TMED7: variants seen among roughly 807,000 people sequenced by gnomAD.
TMED7 encodes the protein transmembrane p24 trafficking protein 7.
In TMED7, 8 loss-of-function variants were observed where a neutral mutation model predicts 23.4. That is an observed-to-expected ratio of 0.34 (90% CI 0.20 to 0.62). The LOEUF is 0.62. Among genes scored for constraint, TMED7 ranks in the 20% least tolerant of loss-of-function variants. The pLI is 0.77. For synonymous variants in TMED7, 121 were observed against 108.5 expected (o/e 1.12, Z -0.72); for missense variants, 232 against 279.1 (o/e 0.83, Z 1.20).
At position 115,616,433 on chromosome 5, in the gene TMED7, A is replaced by T. The variant is rs960731200; in HGVS notation, c.451T>A (p.Cys151Ser). Reference sequence around the variant, plus strand: ...TTCAGAGCTTCGTGAATTGAAACACAGGCAGATTCCATCTGCAGAGAAATA... The same window carrying T: ...TTCAGAGCTTCGTGAATTGAAACACTGGCAGATTCCATCTGCAGAGAAATA... ...VSALTQMESA[C>S]VSIHEALKSV... The change falls in exon 3 of 3, where the codon TGT (cysteine) becomes AGT (serine). Residue 151 changes from cysteine to serine, a missense_variant. Physicochemically the swap from Cys to Ser is moderately radical, Grantham distance 112. Coordinates refer to ENST00000456936, the MANE Select transcript of TMED7 (RefSeq NM_181836.6). The T allele has an allele frequency of 6.2e-7, 1 of 1,614,206 alleles. No individual in the cohort carries two copies. The highest frequency in any genetic ancestry group is 8.5e-7 in the Non-Finnish European group (1 of 1,180,002).
At position 115,625,756 on chromosome 5, in the gene TMED7, C is replaced by A. The variant is rs1052256383; in HGVS notation, c.37G>T (p.Val13Phe). 6 of 1,536,876 alleles carry A rather than the reference C, an allele frequency of 3.9e-6. No homozygotes were observed. The highest frequency in any genetic ancestry group is 5.2e-6 in the Non-Finnish European group (6 of 1,143,928). ...RPGSAQRWAA[V>F]AGRWGCRLLA... is the part of the protein sequence containing the mutation. The stretch of plus-strand genomic sequence containing the variant: ...AGCCTGCACCCCCAACGGCCCGCGA[C>A]GGCCGCCCAGCGCTGCGCGGACCCC... The change falls in exon 1 of 3, where the codon GTC becomes TTC. Residue 13 changes from valine (V) to phenylalanine (F), a missense_variant. By Grantham distance (50) the Val-to-Phe change is conservative. Transcript: ENST00000456936.
At position 115,615,140 on chromosome 5, in the gene TMED7, G is replaced by A. The variant is rs1271145830; in HGVS notation, c.*1069C>T. 1 of 152,028 alleles carries A rather than the reference G, an allele frequency of 6.6e-6. No homozygotes were observed. Among genetic ancestry groups the A allele is most frequent in the Non-Finnish European group, 1.5e-5 (1 of 67,894 alleles). 9.4% of individuals were successfully genotyped at this position (152,028 alleles called of 1,614,324 possible). A position where few individuals can be genotyped will look rare whatever the true frequency, so the allele number is the denominator to read the frequency against. On this transcript the variant is annotated 3_prime_UTR_variant, in exon 3 of 3. Transcript: ENST00000456936. ...AAAGTCAATGAAGATTACCAAATAGGAAACACAAAGCATTCTAAATTTTTA... is the reference window on the plus strand; with the variant it reads ...AAAGTCAATGAAGATTACCAAATAGAAAACACAAAGCATTCTAAATTTTTA...
chr5:115,616,157 T>C lies in TMED7; in HGVS notation c.*52A>G. On this transcript the variant is annotated 3_prime_UTR_variant, in exon 3 of 3. Transcript: ENST00000456936. The stretch of plus-strand genomic sequence containing the variant: ...AAGTTCTTCAGTACCTAAAATTAAT[T>C]AGAGGACAGCAATATTACAGTGGCA... 4 of 1,543,920 alleles carry C rather than the reference T, an allele frequency of 2.6e-6. No homozygotes were observed. The highest frequency in any genetic ancestry group is 3.6e-6 in the Non-Finnish European group (4 of 1,120,480).
intron 1 of TMED7, among the ~76,000 whole-genome samples, chr5:115,625,273 G>C (rs1354301392): frequency 6.6e-6 from 1 of 152,236 alleles, no homozygotes; most frequent in South Asian, 2.1e-4. Context: ...TTAGAGAGTA[G>C]AGGGTTGACA....
chr5:115,621,934 T>C (rs1479384373), intron 1 of TMED7, among the ~76,000 whole-genome samples: 1 of 152,224 alleles, frequency 6.6e-6, no homozygotes, highest in Admixed American at 6.5e-5. Context: ...TGAGAGAAGA[T>C]GACTAATGAA....
rs767710452 is a variant in TMED7, at chr5:115,625,757, G to A, written c.36C>T (p.Ala12=). 6.5e-7 allele frequency: 1 copy of A among 1,535,976 alleles called. No homozygotes were observed. Among genetic ancestry groups the A allele is most frequent in the South Asian group, 1.2e-5 (1 of 82,470 alleles). Residue 12 remains alanine, a synonymous_variant, in exon 1 of 3, where the codon GCC becomes GCT. Transcript: ENST00000456936. ...GCCTGCACCCCCAACGGCCCGCGAC[G>A]GCCGCCCAGCGCTGCGCGGACCCCG... ...PRPGSAQRWA[A]VAGRWGCRLL...
chr5:115,620,588 A>G lies in TMED7; in HGVS notation c.285T>C (p.Ser95=). The G allele has an allele frequency of 6.2e-7, 1 of 1,605,238 alleles. No individual in the cohort carries two copies. Among genetic ancestry groups the G allele is most frequent in the Non-Finnish European group, 8.5e-7 (1 of 1,176,712 alleles). Residue 95 remains serine (S), a synonymous_variant, in exon 2 of 3, where the codon AGT becomes AGC. Coordinates refer to ENST00000456936, the MANE Select transcript of TMED7 (RefSeq NM_181836.6). The part of the protein sequence containing the change: ...LYKEMKKQYD[S]FTFTASKNGT... Reference sequence around the variant, plus strand: ...CATTTTTGGAGGCTGTGAAGGTAAAACTATCATACTGTTTCTTCATCTCTT... The same window carrying G: ...CATTTTTGGAGGCTGTGAAGGTAAAGCTATCATACTGTTTCTTCATCTCTT...
At chr5:115,618,591 T>C (rs1013949405) in intron 2 of TMED7, among the ~76,000 whole-genome samples, 1 of 152,208 alleles carries the variant, frequency 6.6e-6, no homozygotes, top group Non-Finnish European at 1.5e-5. Context: ...CTTTATCCTC[T>C]GTATTTCTTG....
intron 1 of TMED7, among the ~76,000 whole-genome samples, chr5:115,621,104 A>G (rs184418589): frequency 6.6e-6 from 1 of 152,328 alleles, no homozygotes; most frequent in East Asian, 1.9e-4. Flanking sequence ...TACTGCCTGC[A>G]ATATTTTCCT....
intron 1 of TMED7, among the ~76,000 whole-genome samples, chr5:115,624,169 A>G (rs1228591016): frequency 6.6e-6 from 1 of 152,192 alleles, no homozygotes; most frequent in Non-Finnish European, 1.5e-5. Context: ...ATGTTTATTA[A>G]ATTCAAACAA....
chr5:115,617,675 G>A (rs1756833279), intron 2 of TMED7, among the ~76,000 whole-genome samples: 1 of 152,238 alleles, frequency 6.6e-6, no homozygotes, highest in Non-Finnish European at 1.5e-5. Context: ...TAAAGGCAAG[G>A]AGTTGACCCA....
At chr5:115,621,455 A>G (rs1163063003) in intron 1 of TMED7, among the ~76,000 whole-genome samples, 2 of 152,216 alleles carry the variant, frequency 1.3e-5, no homozygotes, top group African/African-American at 4.8e-5. Flanking sequence ...AAGCAAAAAC[A>G]AAATAACATG....
At chr5:115,623,324 T>A (rs1162497350) in intron 1 of TMED7, among the ~76,000 whole-genome samples, 1 of 152,168 alleles carries the variant, frequency 6.6e-6, no homozygotes, top group Non-Finnish European at 1.5e-5. Flanking sequence ...ATTTTGCTGG[T>A]CACATAGGCA....
At chr5:115,620,740 A>T in intron 1 of TMED7, 60 bp from the exon 2 acceptor site, 1 of 1,331,412 alleles carries the variant, frequency 7.5e-7, no homozygotes, top group Non-Finnish European at 9.7e-7. Flanking sequence ...ATCAGATTTA[A>T]TCAGATTTCC....
Position 115,615,252 on chromosome 5 carries a change from G to C in TMED7, c.*957C>G, listed in dbSNP as rs1756668301. 6.6e-6 allele frequency: 1 copy of C among 152,578 alleles called. No homozygotes were observed. Among genetic ancestry groups the C allele is most frequent in the Non-Finnish European group, 1.5e-5 (1 of 67,998 alleles). 9.5% of individuals were successfully genotyped at this position (152,578 alleles called of 1,614,324 possible). ...AAAAAGGAGAGCAACTAACTTTTCA[G>C]TGCATCACATCCATGAGGATAAAAT... On this transcript the variant is annotated 3_prime_UTR_variant, in exon 3 of 3. Transcript: ENST00000456936.
At chr5:115,616,569 T>A in intron 2 of TMED7, 124 bp from the exon 3 acceptor site, 3 of 1,379,434 alleles carry the variant, frequency 2.2e-6, no homozygotes, top group Non-Finnish European at 3.0e-6. Context: ...AATCTGGCAT[T>A]CATTCATACA....
chr5:115,618,887 T>C (rs1756904818), intron 2 of TMED7, among the ~76,000 whole-genome samples: 1 of 152,230 alleles, frequency 6.6e-6, no homozygotes, highest in African/African-American at 2.4e-5. Context: ...ACTTTTATCA[T>C]TTATTCTGCA....
Position 115,625,822 on chromosome 5 carries a change from G to T in TMED7, c.-30C>A. On this transcript the variant is annotated 5_prime_UTR_variant, in exon 1 of 3. Transcript: ENST00000456936. Reference sequence around the variant, plus strand: ...AGAAGGCGGCGGCGGCCTCAACCGAGCTGCGAGACGCAGGGTCAGGTCTGC... The same window carrying T: ...AGAAGGCGGCGGCGGCCTCAACCGATCTGCGAGACGCAGGGTCAGGTCTGC... 3 of 1,386,274 alleles carry T rather than the reference G, an allele frequency of 2.2e-6. No homozygotes were observed. The highest frequency in any genetic ancestry group is 2.8e-6 in the Non-Finnish European group (3 of 1,077,278). 85.9% of individuals were successfully genotyped at this position (1,386,274 alleles called of 1,614,324 possible). A position where few individuals can be genotyped will look rare whatever the true frequency, so the allele number is the denominator to read the frequency against.
intron 2 of TMED7, 92 bp from the exon 3 acceptor site, chr5:115,616,537 C>T (rs1756756169): frequency 1.3e-6 from 2 of 1,553,806 alleles, no homozygotes; most frequent in Non-Finnish European, 8.8e-7. Flanking sequence ...ATCTCAATTC[C>T]TCTTTTGACT....
Sources: allele counts gnomAD v4.1 joint callset (sites outside exome capture counted in the v4.1 genomes callset), GRCh38; gene constraint gnomAD v4.1.1; transcripts MANE v1.5; gene names NCBI Gene and HGNC (gene_info 2026-07-23, HGNC 2026-07-21).